Variants in CDIP1 observed in about 807,000 individuals in gnomAD.
CDIP1 encodes cell death inducing p53 target 1.
In CDIP1, 9 loss-of-function variants were observed where a neutral mutation model predicts 17.7. The observed-to-expected ratio is 0.51, with a 90% CI of 0.31 to 0.89. The LOEUF (loss-of-function observed/expected upper bound fraction) is 0.89. Ranked by LOEUF, CDIP1 falls within the 40% of genes least tolerant of loss-of-function variation. The pLI, the probability that CDIP1 is intolerant of heterozygous loss-of-function variation, is 0.05. For missense variants in CDIP1, 263 were observed against 277.9 expected, an observed-to-expected ratio of 0.95 and a Z score of 0.38; for synonymous variants, 117 against 109.5, an observed-to-expected ratio of 1.07 and a Z score of -0.43.
At chr16:4,521,469 G>A (rs1331540088) in intron 1 of CDIP1, among the ~76,000 whole-genome samples, 1 of 151,974 alleles carries the variant, frequency 6.6e-6, no homozygotes, top group Non-Finnish European at 1.5e-5. Flanking sequence ...TCTTGGAGTC[G>A]CTCCTGGGGA....
chr16:4,528,683 C>CAA (rs374609894), intron 1 of CDIP1, among the ~76,000 whole-genome samples: 26,511 of 50,980 alleles, frequency 0.52, 7,169 homozygotes, highest in Non-Finnish European at 0.59. Flanking sequence ...AACCCTGTCT[C>CAA]AAAAAAAAAA....
At position 4,512,535 on chromosome 16, in the gene CDIP1, A is replaced by T. The variant is rs967878287; in HGVS notation, c.*37T>A. 8.8e-6 allele frequency: 13 copies of T among 1,469,780 alleles called. No homozygotes were observed. The highest frequency in any genetic ancestry group is 1.2e-5 in the Non-Finnish European group (13 of 1,048,978). 91.0% of individuals were successfully genotyped at this position (1,469,780 alleles called of 1,614,324 possible). On this transcript the variant is annotated 3_prime_UTR_variant, in exon 6 of 6. Coordinates refer to ENST00000567695, the MANE Select transcript of CDIP1 (RefSeq NM_013399.3). This position sits in a 1 kb window ranked among gnomAD's most constrained non-coding sequence, Gnocchi z 4.6. ...CACAGGGAGCAAAGCACAGGGGGCC[A>T]GACTGACAGGCGGGGGAGTCCCGAG...
chr16:4,534,741 T>TA lies in CDIP1; in HGVS notation c.-105+3960dup, dbSNP rs201141770. On this transcript the variant is annotated intron_variant, in intron 1 of 5. Transcript: ENST00000567695. The stretch of plus-strand genomic sequence containing the variant: ...TTTTTGTTTGTTTGATTTTTTGAGA[T>TA]AGAGTCTTGCTCTGTCACCCAGGCT... Among the ~76,000 whole-genome samples the TA allele has an allele frequency of 2.2e-3, 335 of 149,700 alleles. 10 individuals carry two copies. The East Asian group carries it at 0.045, about 20-fold the overall frequency.
At chr16:4,527,311 T>C (rs546395136) in intron 1 of CDIP1, among the ~76,000 whole-genome samples, 1 of 152,004 alleles carries the variant, frequency 6.6e-6, no homozygotes, top group Non-Finnish European at 1.5e-5. Context: ...GTGGTCTTGA[T>C]CTCATGATCT....
rs954921300 is a variant in CDIP1, at chr16:4,512,722, G to T, written c.516-39C>A. The T allele has an allele frequency of 1.9e-6, 3 of 1,605,276 alleles. No individual in the cohort carries two copies. The highest frequency in any genetic ancestry group is 3.3e-5 in the Admixed American group (2 of 59,764). ...AGGGAAGAACAGGCTGAGGCCTGCT[G>T]CGGAGGAGGCAGAGGCAGCCAGTTG... On this transcript the variant is annotated intron_variant, in intron 5 of 5. Transcript: ENST00000567695. The surrounding 1 kb of genome is among the most constrained non-coding windows in gnomAD (Gnocchi z 4.6).
chr16:4,534,314 G>C (rs865183), intron 1 of CDIP1, among the ~76,000 whole-genome samples: 4 of 152,182 alleles, frequency 2.6e-5, no homozygotes, highest in African/African-American at 7.2e-5. Context: ...GCAGCCGAGA[G>C]AGACTCCACT....
intron 1 of CDIP1, among the ~76,000 whole-genome samples, chr16:4,515,360 C>A (rs2058877514): frequency 6.6e-6 from 1 of 152,086 alleles, no homozygotes; most frequent in Non-Finnish European, 1.5e-5. Context: ...TGAAAGAGAT[C>A]AAAAAGCTGT....
intron 1 of CDIP1, among the ~76,000 whole-genome samples, chr16:4,516,752 GGCTGGAGTGCAGTGGC>G (rs1376872260): frequency 7.1e-6 from 1 of 141,128 alleles, no homozygotes; most frequent in African/African-American, 2.7e-5. Flanking sequence ...CTGTTGCCCA[GGCTGGAGTGCAGTGGC>G]GCGATCCTGG....
chr16:4,534,662 C>T (rs1413200466), intron 1 of CDIP1, among the ~76,000 whole-genome samples: 2 of 152,066 alleles, frequency 1.3e-5, no homozygotes, highest in Admixed American at 6.6e-5. Flanking sequence ...CTCCTGCTTC[C>T]CCAGCCTGTG....
chr16:4,514,012 G>A lies in CDIP1; in HGVS notation c.85+34C>T, dbSNP rs2058862371. ...AACCATGCCATGGCGGCAGGGGGCTGCAATATGGAGCCTCAGGAACAGTGA... is the reference window on the plus strand; with the variant it reads ...AACCATGCCATGGCGGCAGGGGGCTACAATATGGAGCCTCAGGAACAGTGA... On this transcript the variant is annotated intron_variant, in intron 3 of 5. Transcript: ENST00000567695. The surrounding 1 kb of genome is among the most constrained non-coding windows in gnomAD (Gnocchi z 5.2). 2.2e-6 allele frequency: 3 copies of A among 1,381,284 alleles called. No individual in the cohort carries two copies. Among genetic ancestry groups the A allele is most frequent in the Non-Finnish European group, 2.9e-6 (3 of 1,023,276 alleles). The allele number at this position is 1,381,284 out of a possible 1,614,324, so 85.6% of individuals were successfully genotyped here. A position where few individuals can be genotyped will look rare whatever the true frequency, so the allele number is the denominator to read the frequency against.
intron 1 of CDIP1, among the ~76,000 whole-genome samples, chr16:4,522,678 C>T (rs138057764): frequency 8.6e-4 from 131 of 152,366 alleles, no homozygotes; most frequent in African/African-American, 3.1e-3. Flanking sequence ...AGGCCCAAAC[C>T]AGGTCTGGAG....
chr16:4,524,997 A>G (rs2058985449), intron 1 of CDIP1, among the ~76,000 whole-genome samples: 1 of 152,250 alleles, frequency 6.6e-6, no homozygotes, highest in South Asian at 2.1e-4. Context: ...GCTACTTGGG[A>G]GGCTGAGGCG....
Position 4,514,472 on chromosome 16 carries a change from C to T in CDIP1, c.-15+103G>A. On this transcript the variant is annotated intron_variant, in intron 2 of 5. Transcript: ENST00000567695. This position sits in a 1 kb window ranked among gnomAD's most constrained non-coding sequence, Gnocchi z 5.2. Reference sequence around the variant, plus strand: ...GAGAGCAGTTTGGCACCGAGCTCTCCCCTCCCCAAACGTTTAGCGGGCACT... The same window carrying T: ...GAGAGCAGTTTGGCACCGAGCTCTCTCCTCCCCAAACGTTTAGCGGGCACT... 3.4e-6 allele frequency: 1 copy of T among 297,720 alleles called. No homozygotes were observed. Among genetic ancestry groups the T allele is most frequent in the Non-Finnish European group, 6.2e-6 (1 of 162,028 alleles). The allele number at this position is 297,720 out of a possible 1,614,324, so 18.4% of individuals were successfully genotyped here.
chr16:4,532,554 CGA>C (rs1278215550), intron 1 of CDIP1: 2 of 152,212 alleles, frequency 1.3e-5, no homozygotes, highest in Non-Finnish European at 2.9e-5. Context: ...CCTGATAAGC[CGA>C]GAGGCTTGCA....
At chr16:4,522,908 C>T (rs941943825) in intron 1 of CDIP1, among the ~76,000 whole-genome samples, 7 of 152,256 alleles carry the variant, frequency 4.6e-5, no homozygotes, top group South Asian at 2.1e-4. Context: ...ATCCAACACA[C>T]AGACGGATTA....
chr16:4,516,897 A>G (rs2058894282), intron 1 of CDIP1, among the ~76,000 whole-genome samples: 2 of 151,766 alleles, frequency 1.3e-5, no homozygotes, highest in Admixed American at 6.6e-5. Flanking sequence ...TTTAGTAGAG[A>G]AGGGATTTCA....
chr16:4,524,644 C>T (rs564525617), intron 1 of CDIP1, among the ~76,000 whole-genome samples: 1 of 152,332 alleles, frequency 6.6e-6, no homozygotes, highest in African/African-American at 2.4e-5. Context: ...CTGTGCTTCA[C>T]CATGAGGGCC....
chr16:4,533,952 A>G (rs1156232856), intron 1 of CDIP1, among the ~76,000 whole-genome samples: 1 of 151,956 alleles, frequency 6.6e-6, no homozygotes, highest in Non-Finnish European at 1.5e-5. Context: ...CTCCTGTGCC[A>G]TTCTTTTTTG....
In CDIP1 at chr16:4,529,336, G is replaced by A. The variant is rs183665977; in HGVS notation, c.-105+9366C>T. 7.0e-3 allele frequency among the ~76,000 whole-genome samples: 1,070 copies of A among 152,308 alleles called. 7 individuals carry two copies. Among genetic ancestry groups the A allele is most frequent in the Middle Eastern group, 0.034 (10 of 294 alleles). On this transcript the variant is annotated intron_variant, in intron 1 of 5. Transcript: ENST00000567695. ...AAAGAGGGCTGGTAAGAAAGTCCCC[G>A]TTGGATGCATAATAAAAACGAGTGA...
Sources: gnomAD v4.1 joint callset for allele counts (sites outside exome capture counted in the v4.1 genomes callset) on GRCh38, gnomAD v4.1.1 for gene constraint, Gnocchi (gnomAD v3.1) non-coding constraint, MANE v1.5 for transcripts, NCBI Gene and HGNC (gene_info 2026-07-23, HGNC 2026-07-21) for gene names.